ASIC2: variants seen among roughly 807,000 people sequenced by gnomAD.
ASIC2 encodes acid sensing ion channel subunit 2, also known as acid-sensing ion channel 2.
Under a neutral mutation model 57.3 loss-of-function variants are expected in ASIC2, and 25 were observed. That is an observed-to-expected ratio of 0.44 (90% confidence interval 0.32 to 0.61). The LOEUF is 0.61. Among genes scored for constraint, ASIC2 ranks in the 20% least tolerant of loss-of-function variants. ASIC2 has a pLI of 0.06. For synonymous variants in ASIC2, 319 were observed against 307.5 expected, an observed-to-expected ratio of 1.04 and a Z score of -0.39; for missense variants, 641 against 738.1, an observed-to-expected ratio of 0.87 and a Z score of 1.52.
chr17:33,957,662 C>A (rs1904778365), intron 1 of ASIC2, among the ~76,000 whole-genome samples: 1 of 152,164 alleles, frequency 6.6e-6, no homozygotes, highest in Non-Finnish European at 1.5e-5. Context: ...AGTTCTCTCC[C>A]ATGACACGTG....
At chr17:33,733,041 T>C (rs1909796692) in intron 1 of ASIC2, among the ~76,000 whole-genome samples, 1 of 152,218 alleles carries the variant, frequency 6.6e-6, no homozygotes, top group South Asian at 2.1e-4. Flanking sequence ...TGTTCCCTGT[T>C]TACTCTTTGG....
At chr17:33,912,665 A>T (rs1322192863) in intron 1 of ASIC2, among the ~76,000 whole-genome samples, 2 of 151,996 alleles carry the variant, frequency 1.3e-5, no homozygotes, top group Non-Finnish European at 2.9e-5. Flanking sequence ...AAAACTAGAG[A>T]CTGTCAATAG....
At position 33,259,741 on chromosome 17, in the gene ASIC2, C is replaced by T. The variant is rs191383359; in HGVS notation, c.708+31667G>A. On this transcript the variant is annotated intron_variant, in intron 1 of 9. Coordinates refer to ENST00000225823, the MANE Select transcript of ASIC2 (RefSeq NM_183377.2). ...GCTGGGAATAGGGATGGAAGTAAGA[C>T]GCAATCCTCCTTCTGGTCTCATGTT... is the stretch of plus-strand genomic sequence containing the variant. Among the ~76,000 whole-genome samples the T allele has an allele frequency of 1.4e-4, 22 of 152,270 alleles. No individual in the cohort carries two copies. In the South Asian group the frequency reaches 1.9e-3, roughly 13 times the overall value.
intron 1 of ASIC2, among the ~76,000 whole-genome samples, chr17:34,084,716 A>T (rs1018178396): frequency 7.2e-5 from 11 of 151,944 alleles, no homozygotes; most frequent in Admixed American, 7.2e-4. Flanking sequence ...CTTTTATTTC[A>T]TTGAGCAGTG....
intron 1 of ASIC2, among the ~76,000 whole-genome samples, chr17:34,028,575 C>T (rs1015732739): frequency 6.6e-6 from 1 of 152,176 alleles, no homozygotes; most frequent in Non-Finnish European, 1.5e-5. Context: ...GATGCTATCT[C>T]ATTTACATAC....
At chr17:33,869,589 C>T (rs1914335470) in intron 1 of ASIC2, among the ~76,000 whole-genome samples, 1 of 152,094 alleles carries the variant, frequency 6.6e-6, no homozygotes, top group Admixed American at 6.6e-5. Flanking sequence ...ATACATGCTG[C>T]AATATGGATG....
intron 1 of ASIC2, among the ~76,000 whole-genome samples, chr17:33,815,501 T>C (rs1912549781): frequency 6.6e-6 from 1 of 152,210 alleles, no homozygotes; most frequent in Non-Finnish European, 1.5e-5. Flanking sequence ...TGAAAAGGTC[T>C]TGACTTAACT....
At chr17:33,960,909 G>A (rs923017553) in intron 1 of ASIC2, among the ~76,000 whole-genome samples, 5 of 152,058 alleles carry the variant, frequency 3.3e-5, no homozygotes, top group Non-Finnish European at 7.4e-5. Context: ...TAATCTCCAC[G>A]CTATCACTAG....
At chr17:33,146,550 T>C (rs1209487245) in intron 1 of ASIC2, among the ~76,000 whole-genome samples, 1 of 152,210 alleles carries the variant, frequency 6.6e-6, no homozygotes, top group East Asian at 1.9e-4. Context: ...ACTCAGATCA[T>C]ATTTCTTAGA....
intron 1 of ASIC2, among the ~76,000 whole-genome samples, chr17:33,600,199 A>T (rs115545042): frequency 0.012 from 1,755 of 152,244 alleles, 18 homozygotes; most frequent in African/African-American, 0.024. Context: ...GTGTCCCCCA[A>T]AGTTGATGTG....
intron 1 of ASIC2, among the ~76,000 whole-genome samples, chr17:33,505,797 C>T (rs1567633453): frequency 6.6e-6 from 1 of 152,208 alleles, no homozygotes. Context: ...CTATCCTAGT[C>T]CTGACATAGC....
intron 1 of ASIC2, among the ~76,000 whole-genome samples, chr17:33,653,614 C>G (rs1025995156): frequency 6.6e-6 from 1 of 152,166 alleles, no homozygotes; most frequent in Non-Finnish European, 1.5e-5. Flanking sequence ...CCATCTCAGG[C>G]ATTTGGTATT....
At chr17:33,486,346 G>C (rs991158866) in intron 1 of ASIC2, among the ~76,000 whole-genome samples, 1 of 152,186 alleles carries the variant, frequency 6.6e-6, no homozygotes, top group East Asian at 1.9e-4. Flanking sequence ...CACAGCTGTT[G>C]TGAGAGAGTT....
chr17:33,732,674 G>T (rs1428782789), intron 1 of ASIC2, among the ~76,000 whole-genome samples: 1 of 151,708 alleles, frequency 6.6e-6, no homozygotes, highest in Non-Finnish European at 1.5e-5. Context: ...TCTTGCTCTT[G>T]TTGCCCAGGC....
chr17:33,361,127 C>A (rs1908587392), intron 1 of ASIC2, among the ~76,000 whole-genome samples: 1 of 152,132 alleles, frequency 6.6e-6, no homozygotes, highest in Non-Finnish European at 1.5e-5. Context: ...CTGGGAGGAG[C>A]ATGTAGATAA....
chr17:33,208,809 A>G (rs1012933327), intron 1 of ASIC2, among the ~76,000 whole-genome samples: 3 of 152,122 alleles, frequency 2.0e-5, no homozygotes, highest in African/African-American at 7.2e-5. Flanking sequence ...TGCTCAGTAA[A>G]TATCTGTTGA....
intron 1 of ASIC2, among the ~76,000 whole-genome samples, chr17:34,108,166 ATAC>A (rs925474196): frequency 5.6e-4 from 85 of 152,228 alleles, no homozygotes; most frequent in African/African-American, 2.0e-3. Flanking sequence ...CAACTACATA[ATAC>A]TCCATTGAGT....
chr17:33,959,038 C>T (rs1649892068), intron 1 of ASIC2, among the ~76,000 whole-genome samples: 1 of 152,182 alleles, frequency 6.6e-6, no homozygotes, highest in Admixed American at 6.5e-5. Context: ...GCTCCAGTTC[C>T]TAAGTTCCTC....
intron 1 of ASIC2, among the ~76,000 whole-genome samples, chr17:33,164,101 C>A (rs933072813): frequency 9.2e-5 from 14 of 152,208 alleles, no homozygotes; most frequent in African/African-American, 3.1e-4. Context: ...CATGCTGACA[C>A]ACTTTGCTGC....
Sources: gnomAD v4.1 joint callset for allele counts (sites outside exome capture counted in the v4.1 genomes callset) on GRCh38, gnomAD v4.1.1 for gene constraint, MANE v1.5 for transcripts, NCBI Gene and HGNC (gene_info 2026-07-23, HGNC 2026-07-21) for gene names.